Variants in ALK observed in about 807,000 individuals in gnomAD.
ALK encodes the protein ALK tyrosine kinase receptor.
In ALK, 74 loss-of-function variants were observed where a neutral mutation model predicts 163.1. The ratio of observed to expected loss-of-function variants is 0.45; its 90% confidence interval spans 0.38 to 0.55. The LOEUF is 0.55. Among genes scored for constraint, ALK ranks in the 20% least tolerant of loss-of-function variants. The pLI is 0.00. For missense variants in ALK, 2,063 were observed against 2,105.3 expected (o/e 0.98, Z 0.39); for synonymous variants, 960 against 843.2 (o/e 1.14, Z -2.40).
At chr2:29,840,192 G>C (rs1162036200) in intron 1 of ALK, among the ~76,000 whole-genome samples, 1 of 152,176 alleles carries the variant, frequency 6.6e-6, no homozygotes, top group Non-Finnish European at 1.5e-5. Context: ...CACTTACTAT[G>C]TGACAGGCAG....
At chr2:29,500,002 G>C (rs566388553) in intron 4 of ALK, among the ~76,000 whole-genome samples, 27 of 152,090 alleles carry the variant, frequency 1.8e-4, no homozygotes, top group Admixed American at 6.6e-5. Flanking sequence ...ATACACTTGG[G>C]TCTCGCTGTT....
chr2:29,423,005 T>C (rs903158945), intron 4 of ALK, among the ~76,000 whole-genome samples: 4 of 151,464 alleles, frequency 2.6e-5, no homozygotes, highest in African/African-American at 9.7e-5. Flanking sequence ...GAGATGAGCG[T>C]GGGTAAGGAC....
intron 11 of ALK, among the ~76,000 whole-genome samples, chr2:29,263,128 G>A (rs1347670602): frequency 1.3e-5 from 2 of 152,192 alleles, no homozygotes; most frequent in Non-Finnish European, 2.9e-5. Flanking sequence ...GAAGTGGTTG[G>A]TGGTTTAAAT....
intron 1 of ALK, among the ~76,000 whole-genome samples, chr2:29,724,558 G>A (rs529576968): frequency 2.2e-4 from 34 of 152,260 alleles, no homozygotes; most frequent in East Asian, 7.7e-4. Context: ...GGTGATGGGC[G>A]ATGTTGTTAA....
intron 4 of ALK, among the ~76,000 whole-genome samples, chr2:29,423,163 C>T (rs1670058293): frequency 6.6e-6 from 1 of 152,100 alleles, no homozygotes; most frequent in East Asian, 1.9e-4. Context: ...TATAACGGAA[C>T]TAAGTTCTTT....
At chr2:29,825,977 G>A (rs1008509738) in intron 1 of ALK, among the ~76,000 whole-genome samples, 1 of 152,168 alleles carries the variant, frequency 6.6e-6, no homozygotes. Context: ...GACTGACAGT[G>A]CCTGGTAACC....
chr2:29,797,863 A>G (rs1321714375), intron 1 of ALK, among the ~76,000 whole-genome samples: 1 of 151,618 alleles, frequency 6.6e-6, no homozygotes, highest in African/African-American at 2.4e-5. Flanking sequence ...TCATTTACTC[A>G]TTGACCCAAG....
chr2:29,840,828 C>G (rs116322169), intron 1 of ALK, among the ~76,000 whole-genome samples: 2,354 of 152,278 alleles, frequency 0.015, 66 homozygotes, highest in African/African-American at 0.054. Context: ...TTGGAGTAGA[C>G]AAGGCAATTT....
At chr2:29,659,277 T>C (rs150572616) in intron 3 of ALK, among the ~76,000 whole-genome samples, 9 of 152,232 alleles carry the variant, frequency 5.9e-5, no homozygotes, top group African/African-American at 2.2e-4. Flanking sequence ...TTAATGAAAT[T>C]AGCATTGCAT....
At position 29,239,784 on chromosome 2, in the gene ALK, T is replaced by A; in HGVS notation, c.2251A>T (p.Met751Leu). ...AAGGKGGKNTMMRSHGVSVLG... is the reference protein window; with the variant it reads ...AAGGKGGKNTLMRSHGVSVLG... Reference sequence around the variant, plus strand: ...ACAGACACGCCGTGGGACCGCATCATGGTGTTCTTCCCGCCTTTCCCGCCA... The same window carrying A: ...ACAGACACGCCGTGGGACCGCATCAAGGTGTTCTTCCCGCCTTTCCCGCCA... Residue 751 changes from methionine (M) to leucine (L), a missense_variant, in exon 13 of 29, where the codon ATG becomes TTG. By Grantham distance (15) the Met-to-Leu change is conservative (BLOSUM62 2). Transcript: ENST00000389048. 1.9e-6 allele frequency: 3 copies of A among 1,613,964 alleles called. No homozygotes were observed. Among genetic ancestry groups the A allele is most frequent in the Non-Finnish European group, 2.5e-6 (3 of 1,180,010 alleles).
intron 1 of ALK, among the ~76,000 whole-genome samples, chr2:29,855,362 C>G (rs1193628382): frequency 6.6e-6 from 1 of 152,112 alleles, no homozygotes; most frequent in Non-Finnish European, 1.5e-5. Context: ...GGCTGCCACC[C>G]TGATGCACAA....
intron 4 of ALK, among the ~76,000 whole-genome samples, chr2:29,523,222 C>G (rs4635486): frequency 0.15 from 23,259 of 152,128 alleles, 2,088 homozygotes; most frequent in South Asian, 0.32. Context: ...TGTGGAATGT[C>G]TTCCTCTCAT....
chr2:29,340,970 G>C (rs1667774394), intron 5 of ALK, among the ~76,000 whole-genome samples: 1 of 152,186 alleles, frequency 6.6e-6, no homozygotes, highest in African/African-American at 2.4e-5. Flanking sequence ...GCACTCAGGG[G>C]ATGGAGAACT....
intron 8 of ALK, among the ~76,000 whole-genome samples, chr2:29,300,027 C>G (rs962831658): frequency 6.6e-6 from 1 of 152,182 alleles, no homozygotes; most frequent in Admixed American, 6.5e-5. Context: ...GATGGCAGAA[C>G]AAGGCAAGGT....
intron 1 of ALK, among the ~76,000 whole-genome samples, chr2:29,877,703 C>T (rs553922229): frequency 1.4e-3 from 206 of 152,256 alleles, no homozygotes; most frequent in African/African-American, 4.6e-3. Context: ...TCATGGGTGA[C>T]GACCCCACTC....
At chr2:29,245,171 C>G (rs1436263488) in intron 12 of ALK, among the ~76,000 whole-genome samples, 2 of 143,940 alleles carry the variant, frequency 1.4e-5, no homozygotes, top group Admixed American at 6.9e-5. Context: ...GGTTTCATGG[C>G]TCAGTGCCCT....
chr2:29,592,733 C>T (rs546635820), intron 3 of ALK, among the ~76,000 whole-genome samples: 1 of 152,296 alleles, frequency 6.6e-6, no homozygotes, highest in South Asian at 2.1e-4. Context: ...GTAACAGCGT[C>T]TTTGCAGATG....
chr2:29,252,502 T>A (rs1457856032), intron 11 of ALK, among the ~76,000 whole-genome samples: 1 of 152,164 alleles, frequency 6.6e-6, no homozygotes, highest in Non-Finnish European at 1.5e-5. Context: ...AAAGGTTAAC[T>A]TGGGTTGCCG....
chr2:29,206,805 A>G (rs1487543892), intron 26 of ALK, among the ~76,000 whole-genome samples: 1 of 150,876 alleles, frequency 6.6e-6, no homozygotes, highest in Non-Finnish European at 1.5e-5. Context: ...GTGTGTATGT[A>G]TGTGTACTTT....
Sources: gnomAD v4.1 joint callset for allele counts (sites outside exome capture counted in the v4.1 genomes callset) on GRCh38, gnomAD v4.1.1 for gene constraint, MANE v1.5 for transcripts, NCBI Gene and HGNC (gene_info 2026-07-23, HGNC 2026-07-21) for gene names.